CYP2B6: variants seen among roughly 807,000 people sequenced by gnomAD.
CYP2B6 encodes the protein cytochrome P450 2B6.
Under a neutral mutation model 43.4 loss-of-function variants are expected in CYP2B6, and 35 were observed. That is an observed-to-expected ratio of 0.81 (90% CI 0.62 to 1.07). The LOEUF (loss-of-function observed/expected upper bound fraction) is 1.07, where lower values mean the gene tolerates loss of function less well. Ranked by LOEUF, CYP2B6 falls within the 50% of genes least tolerant of loss-of-function variation. CYP2B6 has a pLI of 0.00. For missense variants in CYP2B6, 624 were observed against 632.8 expected (o/e 0.99, Z 0.15); for synonymous variants, 239 against 239.2 (o/e 1.00, Z 0.01).
At chr19:40,993,814 C>T (rs916187296) in intron 1 of CYP2B6, among the ~76,000 whole-genome samples, 5 of 152,120 alleles carry the variant, frequency 3.3e-5, no homozygotes, top group Non-Finnish European at 5.9e-5. Context: ...AAGTTATCTG[C>T]ACTAGTGAAT....
rs768509795 is a variant in CYP2B6, at chr19:41,006,894, C to A, written c.485-11C>A. The A allele has an allele frequency of 5.6e-6, 9 of 1,612,820 alleles. No homozygotes were observed. The highest frequency in any genetic ancestry group is 6.8e-6 in the Non-Finnish European group (8 of 1,179,846). On this transcript the variant is annotated splice_polypyrimidine_tract_variant and intron_variant, in intron 3 of 8. Coordinates refer to ENST00000324071, the MANE Select transcript of CYP2B6 (RefSeq NM_000767.5). ...TTCAGTCTGTGTCCTTGACCTGCTG[C>A]TTCTTCCTAGGGGCCCTCATGGACC...
chr19:41,006,315 G>A (rs185114636), intron 3 of CYP2B6, among the ~76,000 whole-genome samples: 205 of 141,258 alleles, frequency 1.5e-3, no homozygotes, highest in African/African-American at 5.2e-3. Flanking sequence ...GTGCCACCAT[G>A]TCTAGCTACA....
At chr19:41,015,493 A>C (rs1261849319) in intron 8 of CYP2B6, among the ~76,000 whole-genome samples, 1 of 152,180 alleles carries the variant, frequency 6.6e-6, no homozygotes, top group Non-Finnish European at 1.5e-5. Flanking sequence ...CAAGGTTTGC[A>C]GATTATGAAA....
intron 6 of CYP2B6, among the ~76,000 whole-genome samples, chr19:41,012,017 C>T (rs564983738): frequency 4.6e-5 from 7 of 152,120 alleles, no homozygotes; most frequent in East Asian, 3.9e-4. Context: ...GGCATGATCT[C>T]GGCTCACTGC....
intron 1 of CYP2B6, among the ~76,000 whole-genome samples, chr19:40,998,331 T>C (rs990273373): frequency 3.9e-5 from 6 of 152,268 alleles, no homozygotes; most frequent in Admixed American, 3.3e-4. Flanking sequence ...AAAGCTGGTA[T>C]GGTCATTGAA....
At chr19:41,010,408 G>GTTTTTTT (rs1568562317) in intron 6 of CYP2B6, among the ~76,000 whole-genome samples, 1 of 146,520 alleles carries the variant, frequency 6.8e-6, no homozygotes, top group Non-Finnish European at 1.5e-5. Flanking sequence ...TTTGTTTTTT[G>GTTTTTTT]GTTTTTTTTT....
At chr19:40,997,839 C>A (rs1969020214) in intron 1 of CYP2B6, among the ~76,000 whole-genome samples, 1 of 152,072 alleles carries the variant, frequency 6.6e-6, no homozygotes, top group African/African-American at 2.4e-5. Context: ...GTGGCTTATA[C>A]CTGTAATCCC....
At chr19:41,013,240 T>C (rs1429156514) in intron 8 of CYP2B6, among the ~76,000 whole-genome samples, 2 of 152,102 alleles carry the variant, frequency 1.3e-5, no homozygotes, top group African/African-American at 4.8e-5. Flanking sequence ...AATCATCTCA[T>C]GAAATGAATG....
At chr19:41,014,590 C>A (rs1335573601) in intron 8 of CYP2B6, among the ~76,000 whole-genome samples, 191 of 152,252 alleles carry the variant, frequency 1.3e-3, no homozygotes, top group African/African-American at 4.5e-3. Flanking sequence ...CAGGCATAAG[C>A]CACTGCGACT....
intron 1 of CYP2B6, 96 bp downstream of exon 1, chr19:40,991,572 CA>C (rs1239172479): frequency 1.4e-5 from 19 of 1,379,460 alleles, no homozygotes; most frequent in Non-Finnish European, 1.9e-5. Context: ...CTTCCAGAGT[CA>C]GGGGTGGCAC....
intron 3 of CYP2B6, 141 bp from the exon 4 acceptor site, chr19:41,006,764 T>A (rs1969194232): frequency 1.3e-6 from 1 of 778,464 alleles, no homozygotes. Context: ...ACGCGTGACG[T>A]GCTGGTACAT....
intron 5 of CYP2B6, 136 bp downstream of exon 5, chr19:41,009,531 A>G: frequency 1.0e-6 from 1 of 960,200 alleles, no homozygotes; most frequent in South Asian, 1.5e-5. Flanking sequence ...AGAATAGGGA[A>G]AGGGAGGAGA....
chr19:40,999,195 A>T (rs1322773426), intron 1 of CYP2B6, among the ~76,000 whole-genome samples: 1 of 151,948 alleles, frequency 6.6e-6, no homozygotes, highest in Admixed American at 6.6e-5. Context: ...GCATTTTTTC[A>T]TGTGTTTTTT....
chr19:41,003,332 C>T (rs1969125421), intron 1 of CYP2B6, among the ~76,000 whole-genome samples: 1 of 152,020 alleles, frequency 6.6e-6, no homozygotes, highest in Non-Finnish European at 1.5e-5. Context: ...GGGTGGTATA[C>T]ACAGTGCAGA....
rs34027040 is a variant in CYP2B6, at chr19:41,010,539, G to A, written c.964+404G>A. On this transcript the variant is annotated intron_variant, in intron 6 of 8. Transcript: ENST00000324071. ...CGCCATTCTCCTGCCTCAGCTTCCC[G>A]AGTAGCTGGAACTACAGGCGCCTGC... 8.1e-3 allele frequency among the ~76,000 whole-genome samples: 1,227 copies of A among 151,248 alleles called. 10 individuals carry two copies. The highest frequency in any genetic ancestry group is 0.029 in the African/African-American group (1,181 of 41,196).
intron 1 of CYP2B6, among the ~76,000 whole-genome samples, chr19:40,994,949 T>C (rs1022370701): frequency 6.6e-6 from 1 of 152,090 alleles, no homozygotes; most frequent in African/African-American, 2.4e-5. Context: ...TGATTCTCAT[T>C]GGGAACATGA....
chr19:41,014,527 G>A (rs529472387), intron 8 of CYP2B6, among the ~76,000 whole-genome samples: 1 of 152,068 alleles, frequency 6.6e-6, no homozygotes, highest in African/African-American at 2.4e-5. Context: ...GGATGGTGCT[G>A]ATCTTCTGAC....
chr19:41,010,100 G>A lies in CYP2B6; in HGVS notation c.929G>A (p.Gly310Asp). Residue 310 changes from glycine to aspartate, a missense_variant, in exon 6 of 9, where the codon GGC becomes GAC. By Grantham distance (94) the Gly-to-Asp change is moderately conservative. Transcript: ENST00000324071. ...ACCACCAGCACCACTCTCCGCTACG[G>A]CTTCCTGCTCATGCTCAAATACCCT... The part of the protein sequence containing the change: ...TETTSTTLRY[G>D]FLLMLKYPHV... 6.2e-7 allele frequency: 1 copy of A among 1,613,786 alleles called. No homozygotes were observed. Among genetic ancestry groups the A allele is most frequent in the Non-Finnish European group, 8.5e-7 (1 of 1,179,942 alleles).
At chr19:41,010,654 G>A (rs749269610) in intron 6 of CYP2B6, among the ~76,000 whole-genome samples, 1 of 151,996 alleles carries the variant, frequency 6.6e-6, no homozygotes, top group South Asian at 2.1e-4. Flanking sequence ...ACCTCATGAT[G>A]TACAAATTTA....
Sources: allele counts gnomAD v4.1 joint callset (sites outside exome capture counted in the v4.1 genomes callset), GRCh38; gene constraint gnomAD v4.1.1; transcripts MANE v1.5; gene names NCBI Gene and HGNC (gene_info 2026-07-23, HGNC 2026-07-21).